The following PRKAG2 variants were observed in gnomAD, a reference collection of about 807,000 sequenced individuals.
The protein encoded by PRKAG2 is 5'-AMP-activated protein kinase subunit gamma-2.
In PRKAG2, 26 loss-of-function variants were observed where a neutral mutation model predicts 69.6. That is an observed-to-expected ratio of 0.37 (90% confidence interval 0.27 to 0.52). The LOEUF is 0.52. Among genes scored for constraint, PRKAG2 ranks in the 20% least tolerant of loss-of-function variants. The probability of loss-of-function intolerance (pLI) is 0.90; values close to 1 mark genes in which losing one functional copy is unlikely to be tolerated. For synonymous variants in PRKAG2, 293 were observed against 285.0 expected (o/e 1.03, Z -0.28); for missense variants, 557 against 740.0 (o/e 0.75, Z 2.87).
chr7:151,862,339 T>G (rs971944540), intron 1 of PRKAG2, among the ~76,000 whole-genome samples: 2 of 152,250 alleles, frequency 1.3e-5, no homozygotes, highest in East Asian at 1.9e-4. Context: ...AAAATGCCTC[T>G]TTTTGAAACC....
rs560735591 is a variant in PRKAG2 at position 151,587,576 on chromosome 7, A to G, written c.864+7769T>C. Among the ~76,000 whole-genome samples, 9 of 152,328 alleles carry G rather than the reference A, an allele frequency of 5.9e-5. No homozygotes were observed. In the South Asian group the frequency reaches 1.9e-3, roughly 32 times the overall value. Reference sequence around the variant, plus strand: ...TAAGCACCCTGGAGACGGTATGATGAAAAGGGCACTTTACCTCTCTCTGGT... The same window carrying G: ...TAAGCACCCTGGAGACGGTATGATGGAAAGGGCACTTTACCTCTCTCTGGT... On this transcript the variant is annotated intron_variant, in intron 6 of 15. Coordinates refer to ENST00000287878, the MANE Select transcript of PRKAG2 (RefSeq NM_016203.4).
At position 151,707,774 on chromosome 7, in the gene PRKAG2, G is replaced by T. The variant is rs144395010; in HGVS notation, c.467-32137C>A. Among the ~76,000 whole-genome samples, 1,086 of 152,270 alleles carry T rather than the reference G, an allele frequency of 7.1e-3. 13 individuals are homozygous for T. Among genetic ancestry groups the T allele is most frequent in the African/African-American group, 0.025 (1,023 of 41,558 alleles). ...AGAACCAAGTTAAACCGGCCAGCCA[G>T]GGAGCTGGGCCTACGTCAGTAGGGG... On this transcript the variant is annotated intron_variant, in intron 3 of 15. Coordinates refer to ENST00000287878, the MANE Select transcript of PRKAG2 (RefSeq NM_016203.4).
chr7:151,588,683 G>T (rs1812290291), intron 6 of PRKAG2, among the ~76,000 whole-genome samples: 1 of 151,980 alleles, frequency 6.6e-6, no homozygotes, highest in Admixed American at 6.6e-5. Context: ...ATAAAGAGGA[G>T]TTCCCCTGCA....
rs150410093 is a variant in PRKAG2 at position 151,856,026 on chromosome 7, G to A, written c.114+20481C>T. ...AAAAACCCGTAAGTCCTACACACTC[G>A]CCAGACACAGGCCACACATTCTGCC... On this transcript the variant is annotated intron_variant, in intron 1 of 15. Transcript: ENST00000287878. Among the ~76,000 whole-genome samples the A allele has an allele frequency of 1.5e-3, 222 of 152,302 alleles. 1 individual carries two copies. The highest frequency in any genetic ancestry group is 5.8e-3 in the Admixed American group (88 of 15,298).
At chr7:151,654,282 T>C (rs1297835079) in intron 4 of PRKAG2, among the ~76,000 whole-genome samples, 1 of 152,206 alleles carries the variant, frequency 6.6e-6, no homozygotes, top group African/African-American at 2.4e-5. Context: ...AGCCATCCCC[T>C]GGCCCGCCTT....
intron 3 of PRKAG2, among the ~76,000 whole-genome samples, chr7:151,683,761 G>A (rs897317376): frequency 1.3e-5 from 2 of 152,158 alleles, no homozygotes; most frequent in African/African-American, 4.8e-5. Context: ...AGAGGGACAG[G>A]AGTACCTGTG....
At chr7:151,783,233 C>A (rs915481026) in intron 2 of PRKAG2, among the ~76,000 whole-genome samples, 1 of 152,224 alleles carries the variant, frequency 6.6e-6, no homozygotes, top group East Asian at 1.9e-4. Context: ...AGGTGTAGGT[C>A]CGGCCTGGCG....
rs1334497430 is a variant in PRKAG2 at position 151,576,417 on chromosome 7, A to T, written c.900T>A (p.Gly300=). ...TCTCCCACAGTGGCGCTGCTCGGAC[A>T]CCGTTGGCTACCAAAGCAAAGAAGG... ...KKAFFALVAN[G]VRAAPLWESK... Residue 300 remains glycine, a synonymous_variant, in exon 7 of 16, where the codon GGT becomes GGA. Transcript: ENST00000287878. 6.2e-7 allele frequency: 1 copy of T among 1,610,910 alleles called. No individual in the cohort carries two copies.
chr7:151,876,555 G>T lies in PRKAG2; in HGVS notation c.66C>A (p.Gly22=). 6.2e-7 allele frequency: 1 copy of T among 1,609,620 alleles called. No homozygotes were observed. Among genetic ancestry groups the T allele is most frequent in the East Asian group, 2.2e-5 (1 of 44,834 alleles). The change falls in exon 1 of 16, where the codon GGC becomes GGA. Residue 22 remains glycine, a synonymous_variant. Transcript: ENST00000287878. The part of the protein sequence containing the change: ...KDVSSPGGSG[G]KKNASQKRRS... ...GCCTCTTCTGGCTGGCATTTTTCTT[G>T]CCGCCGCTCCCGCCGGGGCTGGAAA... is the stretch of plus-strand genomic sequence containing the variant.
chr7:151,874,171 G>C (rs1586761340), intron 1 of PRKAG2, among the ~76,000 whole-genome samples: 1 of 110,466 alleles, frequency 9.1e-6, no homozygotes, highest in Non-Finnish European at 1.8e-5. Flanking sequence ...ATATGTATAT[G>C]ATGTATATGT....
chr7:151,696,200 A>C (rs1349999493), intron 3 of PRKAG2, among the ~76,000 whole-genome samples: 3 of 152,120 alleles, frequency 2.0e-5, no homozygotes, highest in Admixed American at 1.3e-4. Flanking sequence ...TTATTCGTTA[A>C]AATTCAGCGC....
chr7:151,782,297 A>AAAGGAAGG lies in PRKAG2; in HGVS notation c.187-874_187-867dup, dbSNP rs869298573. Among the ~76,000 whole-genome samples, 276 of 39,536 alleles carry AAAGGAAGG rather than the reference A, an allele frequency of 7.0e-3. 8 individuals carry two copies. Among genetic ancestry groups the AAAGGAAGG allele is most frequent in the South Asian group, 0.017 (12 of 708 alleles). 25.9% of individuals were successfully genotyped at this position (39,536 alleles called of 152,430 possible). A position where few individuals can be genotyped will look rare whatever the true frequency, so the allele number is the denominator to read the frequency against. On this transcript the variant is annotated intron_variant, in intron 2 of 15. Transcript: ENST00000287878. ...GACTCCATTTCAAGAGAAAGGAAAG[A>AAAGGAAGG]AAGGAAGGAAGGAAGGAAGGAAGGA...
At chr7:151,830,656 C>G (rs547753548) in intron 1 of PRKAG2, among the ~76,000 whole-genome samples, 1 of 151,622 alleles carries the variant, frequency 6.6e-6, no homozygotes, top group Non-Finnish European at 1.5e-5. Context: ...CAAAGAGCCC[C>G]GGGGGCGGGG....
At chr7:151,708,103 G>A (rs1348623759) in intron 3 of PRKAG2, among the ~76,000 whole-genome samples, 1 of 152,256 alleles carries the variant, frequency 6.6e-6, no homozygotes. Flanking sequence ...GAAGTAGGAA[G>A]AGATGAAGGG....
At chr7:151,734,232 C>T (rs1037067770) in intron 3 of PRKAG2, 4 of 152,200 alleles carry the variant, frequency 2.6e-5, no homozygotes, top group African/African-American at 9.7e-5. Flanking sequence ...GAAATACAGG[C>T]AGATTTTAGA....
At chr7:151,712,414 G>T (rs1318477734) in intron 3 of PRKAG2, among the ~76,000 whole-genome samples, 1 of 152,244 alleles carries the variant, frequency 6.6e-6, no homozygotes, top group African/African-American at 2.4e-5. Context: ...TCTACACTCA[G>T]GACCCACGAG....
chr7:151,697,788 C>T (rs1306697956), intron 3 of PRKAG2, among the ~76,000 whole-genome samples: 2 of 152,110 alleles, frequency 1.3e-5, no homozygotes, highest in African/African-American at 2.4e-5. Flanking sequence ...CCACAGAAAT[C>T]GAGCCTCTCT....
At chr7:151,773,005 GA>G (rs1473546221) in intron 3 of PRKAG2, among the ~76,000 whole-genome samples, 1 of 12,544 alleles carries the variant, frequency 8.0e-5, no homozygotes, top group African/African-American at 7.8e-4. Context: ...AAGAAAGAAA[GA>G]AAGAAAGAAA....
chr7:151,631,930 C>T (rs1824552374), intron 5 of PRKAG2, 139 bp downstream of exon 5: 2 of 911,986 alleles, frequency 2.2e-6, no homozygotes, highest in East Asian at 6.0e-5. Context: ...CCGGTTCCCG[C>T]CCCGGCCCCT....
Sources: gnomAD v4.1 joint callset for allele counts (sites outside exome capture counted in the v4.1 genomes callset) on GRCh38, gnomAD v4.1.1 for gene constraint, MANE v1.5 for transcripts, NCBI Gene and HGNC (gene_info 2026-07-23, HGNC 2026-07-21) for gene names.